CASQ2: variants seen among roughly 807,000 people sequenced by gnomAD.
The protein encoded by CASQ2 is calsequestrin-2.
In CASQ2, 49 loss-of-function variants were observed where a neutral mutation model predicts 46.5. The ratio of observed to expected loss-of-function variants is 1.05; its 90% confidence interval spans 0.84 to 1.34. CASQ2 has a LOEUF of 1.34. CASQ2 is among the 40% of genes most tolerant of loss of function. CASQ2 has a pLI of 0.00. For synonymous variants in CASQ2, 174 were observed against 168.5 expected, an observed-to-expected ratio of 1.03 and a Z score of -0.25; for missense variants, 486 against 481.3, an observed-to-expected ratio of 1.01 and a Z score of -0.09.
chr1:115,761,050 A>C (rs1290329709), intron 1 of CASQ2, among the ~76,000 whole-genome samples: 1 of 152,054 alleles, frequency 6.6e-6, no homozygotes, highest in Non-Finnish European at 1.5e-5. Flanking sequence ...GATTTTACAC[A>C]TAGATTTTGT....
chr1:115,767,088 T>A (rs1035100713), intron 1 of CASQ2, among the ~76,000 whole-genome samples: 2 of 152,194 alleles, frequency 1.3e-5, no homozygotes, highest in Non-Finnish European at 2.9e-5. Context: ...CATAACAATG[T>A]CTCTTGATAA....
At chr1:115,758,207 T>C (rs1648825608) in intron 1 of CASQ2, among the ~76,000 whole-genome samples, 1 of 152,258 alleles carries the variant, frequency 6.6e-6, no homozygotes, top group South Asian at 2.1e-4. Flanking sequence ...TCTAATGTTT[T>C]ATAGCTTTGT....
intron 1 of CASQ2, among the ~76,000 whole-genome samples, chr1:115,756,885 T>C (rs1648781803): frequency 6.6e-6 from 1 of 152,150 alleles, no homozygotes; most frequent in Non-Finnish European, 1.5e-5. Context: ...AGGCAGAGGT[T>C]GCAGTGAGCC....
At chr1:115,752,920 A>G (rs1648631742) in intron 1 of CASQ2, among the ~76,000 whole-genome samples, 1 of 152,312 alleles carries the variant, frequency 6.6e-6, no homozygotes, top group East Asian at 1.9e-4. Context: ...AGAAAAAGTG[A>G]CACGTGCAGG....
At chr1:115,767,341 T>A (rs1649167975) in intron 1 of CASQ2, among the ~76,000 whole-genome samples, 1 of 152,240 alleles carries the variant, frequency 6.6e-6, no homozygotes, top group African/African-American at 2.4e-5. Flanking sequence ...TTGCTGGATT[T>A]TATTACAGTC....
At chr1:115,704,437 T>C (rs1654300387) in intron 9 of CASQ2, among the ~76,000 whole-genome samples, 2 of 152,196 alleles carry the variant, frequency 1.3e-5, no homozygotes, top group Non-Finnish European at 2.9e-5. Context: ...TAATAGTACC[T>C]ACTTCACAGG....
chr1:115,704,478 T>C (rs1282121528), intron 9 of CASQ2, among the ~76,000 whole-genome samples: 2 of 152,228 alleles, frequency 1.3e-5, no homozygotes, highest in African/African-American at 4.8e-5. Flanking sequence ...TGATGAGGCA[T>C]GTAAAGTATT....
chr1:115,707,672 T>C (rs189851711), intron 8 of CASQ2, among the ~76,000 whole-genome samples: 24 of 152,268 alleles, frequency 1.6e-4, no homozygotes, highest in African/African-American at 5.8e-4. Flanking sequence ...ATAGAAATCA[T>C]AGTACAAAGA....
In CASQ2 at chr1:115,726,975, C is replaced by T. The variant is rs1196679914; in HGVS notation, c.737+17G>A. On this transcript the variant is annotated intron_variant, in intron 6 of 10. Transcript: ENST00000261448. ...CCAGACCCCAGGCCCCCAGCCCCCA[C>T]ATGCCATCTCAGGCACCTTTGGTGT... 1 of 1,589,558 alleles carries T rather than the reference C, an allele frequency of 6.3e-7. No individual in the cohort carries two copies. The highest frequency in any genetic ancestry group is 8.6e-7 in the Non-Finnish European group (1 of 1,161,812).
intron 1 of CASQ2, among the ~76,000 whole-genome samples, chr1:115,749,558 T>G (rs1648504056): frequency 6.6e-6 from 1 of 152,114 alleles, no homozygotes. Context: ...GCAAAATCCC[T>G]CCAGAATTCC....
chr1:115,729,252 G>A (rs1404712999), intron 5 of CASQ2, among the ~76,000 whole-genome samples: 1 of 151,982 alleles, frequency 6.6e-6, no homozygotes, highest in East Asian at 1.9e-4. Flanking sequence ...GTTTCGCCAT[G>A]TTGGCCAGGC....
intron 1 of CASQ2, among the ~76,000 whole-genome samples, chr1:115,765,247 G>A (rs1310242556): frequency 6.6e-6 from 1 of 152,036 alleles, no homozygotes; most frequent in Admixed American, 6.6e-5. Flanking sequence ...TCTATCCCAG[G>A]GCCCCAACAA....
At chr1:115,762,936 A>G (rs1649012762) in intron 1 of CASQ2, among the ~76,000 whole-genome samples, 1 of 152,158 alleles carries the variant, frequency 6.6e-6, no homozygotes, top group Admixed American at 6.5e-5. Flanking sequence ...TGTGGAGGCC[A>G]TGTTGCTCAT....
chr1:115,718,845 A>G (rs1296586180), intron 7 of CASQ2, among the ~76,000 whole-genome samples: 2 of 152,104 alleles, frequency 1.3e-5, no homozygotes. Flanking sequence ...GAGGAGCTAG[A>G]GCTTGGAAGG....
intron 1 of CASQ2, among the ~76,000 whole-genome samples, chr1:115,755,137 C>A (rs4073778): frequency 0.44 from 66,665 of 152,106 alleles, 17,004 homozygotes; most frequent in Non-Finnish European, 0.58. Context: ...TCCAAACTGA[C>A]AGAATGAGGG....
At position 115,704,009 on chromosome 1, in the gene CASQ2, A is replaced by G. The variant is rs1046791270; in HGVS notation, c.940-1014T>C. Among the ~76,000 whole-genome samples the G allele has an allele frequency of 4.6e-5, 7 of 152,324 alleles. No homozygotes were observed. In the South Asian group the frequency reaches 1.5e-3, roughly 32 times the overall value. On this transcript the variant is annotated intron_variant, in intron 9 of 10. Coordinates refer to ENST00000261448, the MANE Select transcript of CASQ2 (RefSeq NM_001232.4). ...AGATAAACTAGAAACACAACCAGGC[A>G]GAAGCTATATCAACAAAGCTGTACT...
At chr1:115,763,275 C>A (rs1039379036) in intron 1 of CASQ2, among the ~76,000 whole-genome samples, 3 of 152,040 alleles carry the variant, frequency 2.0e-5, no homozygotes, top group African/African-American at 4.8e-5. Flanking sequence ...TGGGGCAAGG[C>A]CTAATTTAAT....
At chr1:115,745,652 A>G (rs1191009126) in intron 1 of CASQ2, among the ~76,000 whole-genome samples, 2 of 152,208 alleles carry the variant, frequency 1.3e-5, no homozygotes, top group Non-Finnish European at 2.9e-5. Context: ...TTACTTCAGG[A>G]CTGAGACCTA....
chr1:115,711,955 G>A (rs1460190936), intron 8 of CASQ2, among the ~76,000 whole-genome samples: 4 of 152,116 alleles, frequency 2.6e-5, no homozygotes, highest in African/African-American at 9.7e-5. Flanking sequence ...TTGTTTGTTT[G>A]TTTGTTTTCA....
Sources: gnomAD v4.1 joint callset for allele counts (sites outside exome capture counted in the v4.1 genomes callset) on GRCh38, gnomAD v4.1.1 for gene constraint, MANE v1.5 for transcripts, NCBI Gene and HGNC (gene_info 2026-07-23, HGNC 2026-07-21) for gene names.